Variants in HNRNPM observed in about 807,000 individuals in gnomAD.
HNRNPM encodes the protein heterogeneous nuclear ribonucleoprotein M.
In HNRNPM, 11 loss-of-function variants were observed where a neutral mutation model predicts 73.1. The ratio of observed to expected loss-of-function variants is 0.15; its 90% CI spans 0.09 to 0.25. The LOEUF is 0.25. Among genes scored for constraint, HNRNPM ranks in the 10% least tolerant of loss-of-function variants. The pLI, the probability that HNRNPM is intolerant of heterozygous loss-of-function variation, is 1.00. For missense variants in HNRNPM, 789 were observed against 1,067.9 expected (o/e 0.74, Z 3.64); for synonymous variants, 407 against 355.2 (o/e 1.15, Z -1.64).
rs758539257 is a variant in HNRNPM, at chr19:8,487,074, C to T, written c.2028C>T (p.Cys676=). 1.6e-5 allele frequency: 26 copies of T among 1,612,684 alleles called. No individual in the cohort carries two copies. The highest frequency in any genetic ancestry group is 3.3e-5 in the Admixed American group (2 of 59,998). Residue 676 remains cysteine (C), a splice_region_variant and synonymous_variant, in exon 15 of 16, where the codon TGC becomes TGT. Coordinates refer to ENST00000325495, the MANE Select transcript of HNRNPM (RefSeq NM_005968.5). The part of the protein sequence containing the change: ...WKMLKDKFNE[C]GHVLYADIKM... The stretch of plus-strand genomic sequence containing the variant: ...TGCTAAAGGACAAATTCAACGAGTG[C>T]GGTAAGTGTTGGGAACGGCTTTGTA...
intron 1 of HNRNPM, 179 bp downstream of exon 1, chr19:8,445,290 T>A: frequency 2.1e-6 from 1 of 484,042 alleles, no homozygotes; most frequent in Non-Finnish European, 3.4e-6. Context: ...CGGGGGAGCC[T>A]CCAGAATCGT....
intron 8 of HNRNPM, among the ~76,000 whole-genome samples, chr19:8,467,988 CTG>C (rs1170693130): frequency 6.6e-6 from 1 of 152,124 alleles, no homozygotes; most frequent in Admixed American, 6.5e-5. Flanking sequence ...GATCGTGCCA[CTG>C]CACTCCAGCC....
intron 12 of HNRNPM, chr19:8,482,827 C>T (rs113501730): frequency 7.7e-4 from 156 of 202,856 alleles, no homozygotes; most frequent in Middle Eastern, 1.8e-3. Flanking sequence ...AGAAAACTGC[C>T]GCTGAGCGAG....
chr19:8,472,629 A>G (rs1339578734), intron 10 of HNRNPM, among the ~76,000 whole-genome samples: 1 of 152,212 alleles, frequency 6.6e-6, no homozygotes, highest in East Asian at 1.9e-4. Flanking sequence ...CCCAGGCTGG[A>G]GTGCAGTGGC....
At chr19:8,468,080 A>G (rs950979452) in intron 8 of HNRNPM, among the ~76,000 whole-genome samples, 1 of 152,250 alleles carries the variant, frequency 6.6e-6, no homozygotes, top group Non-Finnish European at 1.5e-5. Flanking sequence ...TCTTGACTGC[A>G]TTAGATATTT....
chr19:8,473,232 G>A (rs1468777438), intron 10 of HNRNPM, among the ~76,000 whole-genome samples: 1 of 151,960 alleles, frequency 6.6e-6, no homozygotes, highest in East Asian at 1.9e-4. Flanking sequence ...GACAGAAGGA[G>A]ACCCTGTCTC....
intron 12 of HNRNPM, chr19:8,482,864 C>CTCTCAGTT: frequency 3.6e-6 from 1 of 278,692 alleles, no homozygotes; most frequent in Non-Finnish European, 6.7e-6. Flanking sequence ...CTTGCTCTGG[C>CTCTCAGTT]TCTCAGTTCA....
intron 8 of HNRNPM, among the ~76,000 whole-genome samples, chr19:8,468,163 C>T (rs991239635): frequency 2.0e-5 from 3 of 152,148 alleles, no homozygotes; most frequent in Non-Finnish European, 2.9e-5. Context: ...GCAAGTGATC[C>T]GTTTCAAAGA....
intron 1 of HNRNPM, among the ~76,000 whole-genome samples, chr19:8,448,587 C>T (rs1314273694): frequency 6.6e-6 from 1 of 151,700 alleles, no homozygotes; most frequent in Non-Finnish European, 1.5e-5. Flanking sequence ...ACGCCATTCT[C>T]CTGCCTCAGC....
rs1431136463 is a variant in HNRNPM at position 8,489,045 on chromosome 19, T to A, written c.*191T>A. ...TGCATTGAGATTGCAATGTGCGCAATTTTTTTTGTAGTTGTGGCATCTTGT... is the reference window on the plus strand; with the variant it reads ...TGCATTGAGATTGCAATGTGCGCAAATTTTTTTGTAGTTGTGGCATCTTGT... On this transcript the variant is annotated 3_prime_UTR_variant, in exon 16 of 16. Coordinates refer to ENST00000325495, the MANE Select transcript of HNRNPM (RefSeq NM_005968.5). 3 of 496,446 alleles carry A rather than the reference T, an allele frequency of 6.0e-6. No individual in the cohort carries two copies. Among genetic ancestry groups the A allele is most frequent in the Non-Finnish European group, 1.1e-5 (3 of 280,334 alleles). The allele number at this position is 496,446 out of a possible 1,614,324, so 30.8% of individuals were successfully genotyped here.
chr19:8,465,550 T>C, intron 6 of HNRNPM, 35 bp downstream of exon 6: 1 of 1,380,574 alleles, frequency 7.2e-7, no homozygotes, highest in Non-Finnish European at 1.0e-6. Context: ...AAGTAGAAAA[T>C]CAGAACTTTA....
intron 2 of HNRNPM, among the ~76,000 whole-genome samples, chr19:8,460,799 C>G (rs1202281649): frequency 6.6e-6 from 1 of 152,150 alleles, no homozygotes; most frequent in Non-Finnish European, 1.5e-5. Flanking sequence ...GTAGTCATAG[C>G]TGGTAGGAAA....
At chr19:8,473,094 A>T (rs768535190) in intron 10 of HNRNPM, among the ~76,000 whole-genome samples, 3 of 151,796 alleles carry the variant, frequency 2.0e-5, no homozygotes, top group Non-Finnish European at 2.9e-5. Flanking sequence ...TACAAAATAT[A>T]AAAAAAATCA....
chr19:8,463,378 A>T, intron 3 of HNRNPM, 119 bp from the exon 4 acceptor site: 2 of 1,172,712 alleles, frequency 1.7e-6, no homozygotes, highest in Non-Finnish European at 1.3e-6. Context: ...TTAAAAGACT[A>T]ACTTTGTGAC....
chr19:8,469,485 T>G (rs1188339920), intron 9 of HNRNPM, among the ~76,000 whole-genome samples: 1 of 152,228 alleles, frequency 6.6e-6, no homozygotes, highest in African/African-American at 2.4e-5. Context: ...TTTTATGGTA[T>G]GTGAAGTGTC....
chr19:8,473,248 C>CA (rs201076499), intron 10 of HNRNPM, among the ~76,000 whole-genome samples: 100 of 151,158 alleles, frequency 6.6e-4, no homozygotes, highest in South Asian at 1.7e-3. Context: ...GTCTCAAAAA[C>CA]AAAAAAAACA....
chr19:8,486,586 G>C (rs945839522), intron 14 of HNRNPM, among the ~76,000 whole-genome samples, 181 bp downstream of exon 14: 1 of 152,230 alleles, frequency 6.6e-6, no homozygotes, highest in African/African-American at 2.4e-5. Flanking sequence ...GGTTCTGGAA[G>C]AGCCTGGGCT....
At chr19:8,445,628 C>T (rs1968104351) in intron 1 of HNRNPM, 1 of 152,370 alleles carries the variant, frequency 6.6e-6, no homozygotes, top group African/African-American at 2.4e-5. Flanking sequence ...GCCGCGAAGC[C>T]GGGTCGGGGG....
At chr19:8,448,561 A>C (rs943190808) in intron 1 of HNRNPM, among the ~76,000 whole-genome samples, 2 of 150,956 alleles carry the variant, frequency 1.3e-5, no homozygotes, top group African/African-American at 4.9e-5. Context: ...AGCTCCGTGA[A>C]CCGCTTCCCG....
Sources: gnomAD v4.1 joint callset for allele counts (sites outside exome capture counted in the v4.1 genomes callset) on GRCh38, gnomAD v4.1.1 for gene constraint, MANE v1.5 for transcripts, NCBI Gene and HGNC (gene_info 2026-07-23, HGNC 2026-07-21) for gene names.